C10orf67: variants seen among roughly 807,000 people sequenced by gnomAD.
C10orf67 encodes the protein chromosome 10 open reading frame 67, also known as uncharacterized protein C10orf67, mitochondrial.
C10orf67 carries 60 observed loss-of-function variants against 35.6 expected under a neutral mutation model. That is an observed-to-expected ratio of 1.68 (90% CI 1.37 to 2.09). The LOEUF (loss-of-function observed/expected upper bound fraction) is 2.09. C10orf67 is among the 30% of genes most tolerant of loss of function. The pLI is 0.00. For missense variants in C10orf67, 474 were observed against 330.2 expected (o/e 1.44, Z -3.38); for synonymous variants, 167 against 115.8 (o/e 1.44, Z -2.84).
intron 4 of C10orf67, among the ~76,000 whole-genome samples, chr10:23,310,243 A>C (rs540098135): frequency 9.8e-5 from 15 of 152,354 alleles, no homozygotes; most frequent in African/African-American, 3.6e-4. Context: ...GAAAATGGGA[A>C]GAAAGCAAAA....
intron 13 of C10orf67, among the ~76,000 whole-genome samples, chr10:23,228,163 G>A (rs1378545299): frequency 6.6e-6 from 1 of 152,124 alleles, no homozygotes; most frequent in African/African-American, 2.4e-5. Flanking sequence ...CAAAGCTGGA[G>A]GCATCACACT....
chr10:23,248,968 A>C (rs1842379858), intron 12 of C10orf67, among the ~76,000 whole-genome samples: 1 of 151,816 alleles, frequency 6.6e-6, no homozygotes. Context: ...TCTACTAAAA[A>C]TACAAAAAAA....
At chr10:23,297,303 C>A (rs538935064) in intron 5 of C10orf67, among the ~76,000 whole-genome samples, 1 of 152,046 alleles carries the variant, frequency 6.6e-6, no homozygotes, top group South Asian at 2.1e-4. Context: ...ACTGCCACCT[C>A]TTTAGGTTTC....
At chr10:23,329,805 A>AAAAAAAAAG (rs1845367557) in intron 2 of C10orf67, among the ~76,000 whole-genome samples, 1 of 149,918 alleles carries the variant, frequency 6.7e-6, no homozygotes, top group Non-Finnish European at 1.5e-5. Flanking sequence ...CTCAAAAAAA[A>AAAAAAAAAG]AAAAAAAAAA....
At chr10:23,228,791 T>C (rs758436852) in intron 13 of C10orf67, among the ~76,000 whole-genome samples, 69 of 152,100 alleles carry the variant, frequency 4.5e-4, no homozygotes, top group Non-Finnish European at 8.8e-4. Flanking sequence ...AACAGACACT[T>C]CTCGAAAGAA....
chr10:23,202,421 G>C (rs1402967405), downstream of C10orf67: 1 of 151,242 alleles, frequency 6.6e-6, no homozygotes, highest in Non-Finnish European at 1.5e-5. Flanking sequence ...TTACACTGCT[G>C]TCCAGCCGAT....
chr10:23,282,930 G>A (rs1348705137), intron 7 of C10orf67, among the ~76,000 whole-genome samples: 1 of 152,032 alleles, frequency 6.6e-6, no homozygotes, highest in African/African-American at 2.4e-5. Context: ...GGGTAGTGAG[G>A]GGTGGGGTAA....
chr10:23,242,248 C>G (rs1387263583), intron 12 of C10orf67, among the ~76,000 whole-genome samples: 1 of 152,056 alleles, frequency 6.6e-6, no homozygotes, highest in Non-Finnish European at 1.5e-5. Flanking sequence ...GGATTACAAG[C>G]GTGAGCCACC....
chr10:23,284,475 G>C (rs1457806612), intron 7 of C10orf67, among the ~76,000 whole-genome samples: 1 of 151,192 alleles, frequency 6.6e-6, no homozygotes, highest in Non-Finnish European at 1.5e-5. Flanking sequence ...TTGAGCCCAG[G>C]AGTTCGAGAC....
intron 15 of C10orf67, among the ~76,000 whole-genome samples, chr10:23,212,130 T>A (rs1205785600): frequency 6.6e-6 from 1 of 152,098 alleles, no homozygotes; most frequent in Non-Finnish European, 1.5e-5. Context: ...GAGATGTAGG[T>A]AGAGGGAAGG....
At chr10:23,280,981 G>C (rs558896331) in intron 8 of C10orf67, among the ~76,000 whole-genome samples, 2 of 152,156 alleles carry the variant, frequency 1.3e-5, no homozygotes, top group Non-Finnish European at 2.9e-5. Flanking sequence ...AGAGGAGAGT[G>C]GGGGTGGGGG....
intron 8 of C10orf67, among the ~76,000 whole-genome samples, chr10:23,278,674 C>T (rs1843268016): frequency 1.3e-5 from 2 of 152,132 alleles, no homozygotes; most frequent in South Asian, 4.1e-4. Context: ...AGAAGTTTCC[C>T]AGAGGAGGCA....
At chr10:23,333,587 C>G (rs1845560758) in intron 1 of C10orf67, among the ~76,000 whole-genome samples, 1 of 152,118 alleles carries the variant, frequency 6.6e-6, no homozygotes, top group Non-Finnish European at 1.5e-5. Flanking sequence ...CTGGGATACT[C>G]TATTAGAAAA....
chr10:23,324,974 A>C (rs1389970101), intron 2 of C10orf67, among the ~76,000 whole-genome samples: 3 of 152,252 alleles, frequency 2.0e-5, no homozygotes, highest in Non-Finnish European at 4.4e-5. Context: ...TGAGAGGTTA[A>C]GTGACAGTGT....
At chr10:23,244,497 T>G (rs547298221) in intron 12 of C10orf67, among the ~76,000 whole-genome samples, 1 of 152,200 alleles carries the variant, frequency 6.6e-6, no homozygotes, top group South Asian at 2.1e-4. Flanking sequence ...AGCTAATAAA[T>G]TCAGTAAAGT....
intron 8 of C10orf67, among the ~76,000 whole-genome samples, chr10:23,281,427 A>T (rs530672926): frequency 2.2e-4 from 34 of 152,316 alleles, no homozygotes; most frequent in Admixed American, 8.5e-4. Context: ...TATAATAAAC[A>T]CAGTCAGTTT....
chr10:23,236,429 TCAAAA>T lies in C10orf67; in HGVS notation c.1434+3295_1434+3299del, dbSNP rs553906349. Among the ~76,000 whole-genome samples, 41 of 151,166 alleles carry T rather than the reference TCAAAA, an allele frequency of 2.7e-4. No homozygotes were observed. The South Asian group carries it at 4.2e-3, about 15-fold the overall frequency. On this transcript the variant is annotated intron_variant, in intron 13 of 15. Coordinates refer to ENST00000636213, the MANE Select transcript of C10orf67 (RefSeq NM_001371909.1). ...CCTGGCAACAGAGTGAGACTCTGTCTCAAAACAAAACAAAACAAAACAAACAAAAA... is the reference window on the plus strand; with the variant it reads ...CCTGGCAACAGAGTGAGACTCTGTCTCAAAACAAAACAAAACAAACAAAAA...
intron 12 of C10orf67, among the ~76,000 whole-genome samples, chr10:23,249,594 T>C (rs372363539): frequency 2.0e-5 from 3 of 152,228 alleles, no homozygotes; most frequent in Non-Finnish European, 4.4e-5. Flanking sequence ...TAGGATGAAT[T>C]ATTTCCATAG....
intron 2 of C10orf67, among the ~76,000 whole-genome samples, chr10:23,328,993 C>CAAAAAAAAAAAAAAAAAAGGAAAA (rs1845310437): frequency 1.3e-5 from 1 of 78,732 alleles, no homozygotes; most frequent in Non-Finnish European, 2.5e-5. Context: ...CATAAACGAA[C>CAAAAAAAAAAAAAAAAAAGGAAAA]AAAAAAAAAA....
Sources: gnomAD v4.1 joint callset for allele counts (sites outside exome capture counted in the v4.1 genomes callset) on GRCh38, gnomAD v4.1.1 for gene constraint, MANE v1.5 for transcripts, NCBI Gene and HGNC (gene_info 2026-07-23, HGNC 2026-07-21) for gene names.